The following SHISA9 variants were observed in gnomAD, a reference collection of about 807,000 sequenced individuals.
SHISA9 encodes shisa family member 9.
A neutral mutation model predicts 38.0 loss-of-function variants in SHISA9; 13 were observed. The ratio of observed to expected loss-of-function variants is 0.34; its 90% CI spans 0.22 to 0.54. The LOEUF is 0.54. SHISA9 is among the 20% of genes least tolerant of loss of function. SHISA9 has a pLI of 0.91. For missense variants in SHISA9, 538 were observed against 575.8 expected (o/e 0.93, Z 0.67); for synonymous variants, 275 against 242.0 (o/e 1.14, Z -1.27).
At chr16:13,267,875 GTTT>G in the SHISA9 span, among the ~76,000 whole-genome samples, 17 of 137,432 alleles carry the variant, frequency 1.2e-4, no homozygotes, top group South Asian at 4.7e-4. Context: ...TGTTTCTCAG[GTTT>G]TTTTTTTTTT....
At chr16:12,906,691 A>AC (rs1328161304) in intron 1 of SHISA9, among the ~76,000 whole-genome samples, 6 of 148,194 alleles carry the variant, frequency 4.0e-5, no homozygotes, top group Non-Finnish European at 4.5e-5. Context: ...TTTTAAACAT[A>AC]CAAAAAAACC....
the SHISA9 span, among the ~76,000 whole-genome samples, chr16:13,350,882 A>T: frequency 6.6e-6 from 1 of 152,324 alleles, no homozygotes; most frequent in South Asian, 2.1e-4. Context: ...GCAAAGTCAG[A>T]GTAAGTAGGA....
chr16:13,473,952 T>C, the SHISA9 span, among the ~76,000 whole-genome samples: 2 of 152,164 alleles, frequency 1.3e-5, no homozygotes, highest in African/African-American at 4.8e-5. Context: ...GATAGTGCTA[T>C]TTATATACAG....
At chr16:13,206,219 AATTT>A (rs2051062427) in intron 3 of SHISA9, among the ~76,000 whole-genome samples, 1 of 152,014 alleles carries the variant, frequency 6.6e-6, no homozygotes, top group Non-Finnish European at 1.5e-5. Context: ...TTATTCATAA[AATTT>A]ATTTATTTAT....
chr16:13,378,988 A>G, the SHISA9 span, among the ~76,000 whole-genome samples: 2 of 152,206 alleles, frequency 1.3e-5, no homozygotes, highest in African/African-American at 4.8e-5. Context: ...AAGAAAATAG[A>G]TGAATGGGTG....
chr16:12,969,435 A>G (rs1596555492), intron 2 of SHISA9, among the ~76,000 whole-genome samples: 1 of 151,238 alleles, frequency 6.6e-6, no homozygotes, highest in Admixed American at 6.6e-5. Context: ...TATAAAGTGT[A>G]CACTCTTCTG....
intron 2 of SHISA9, among the ~76,000 whole-genome samples, chr16:13,058,082 C>A (rs2141906737): frequency 6.6e-6 from 1 of 152,292 alleles, no homozygotes; most frequent in Middle Eastern, 3.4e-3. Context: ...GCAGTTTCCA[C>A]ATACAAGCAT....
chr16:12,916,572 G>C, intron 1 of SHISA9, 116 bp from the exon 2 acceptor site: 1 of 1,232,772 alleles, frequency 8.1e-7, no homozygotes, highest in South Asian at 1.7e-5. Context: ...TAACTAGAAT[G>C]GTGGCTCCAT....
At chr16:13,046,719 G>A (rs1370568753) in intron 2 of SHISA9, among the ~76,000 whole-genome samples, 3 of 152,012 alleles carry the variant, frequency 2.0e-5, no homozygotes, top group Admixed American at 6.6e-5. Context: ...TTGACTTCTC[G>A]CTTCTCTCCT....
the SHISA9 span, among the ~76,000 whole-genome samples, chr16:13,431,385 A>G: frequency 6.6e-6 from 1 of 152,244 alleles, no homozygotes; most frequent in East Asian, 1.9e-4. Flanking sequence ...TTCATTACCT[A>G]TAAACTTCCA....
chr16:13,422,350 A>G, the SHISA9 span, among the ~76,000 whole-genome samples: 2 of 152,196 alleles, frequency 1.3e-5, no homozygotes, highest in African/African-American at 4.8e-5. Flanking sequence ...TATTAATGCC[A>G]TCAACATTCA....
the SHISA9 span, among the ~76,000 whole-genome samples, chr16:13,403,422 A>C: frequency 2.6e-5 from 4 of 152,198 alleles, no homozygotes; most frequent in African/African-American, 9.7e-5. Context: ...GGAATGAATG[A>C]ATGGATGGAT....
the SHISA9 span, among the ~76,000 whole-genome samples, chr16:13,475,747 T>C: frequency 6.6e-6 from 1 of 152,260 alleles, no homozygotes; most frequent in Admixed American, 6.5e-5. Context: ...GTAGAATCAG[T>C]GAGAGTCCTG....
chr16:12,979,943 C>G (rs1366048559), intron 2 of SHISA9, among the ~76,000 whole-genome samples: 1 of 152,126 alleles, frequency 6.6e-6, no homozygotes, highest in Admixed American at 6.6e-5. Context: ...AATGTGCATT[C>G]AAATCTCCTG....
the SHISA9 span, among the ~76,000 whole-genome samples, chr16:13,321,693 T>A: frequency 6.6e-6 from 1 of 152,238 alleles, no homozygotes; most frequent in Non-Finnish European, 1.5e-5. Flanking sequence ...TGTGCCTGTC[T>A]GATAATCTCC....
the SHISA9 span, among the ~76,000 whole-genome samples, chr16:13,291,142 G>T: frequency 6.6e-6 from 1 of 152,052 alleles, no homozygotes; most frequent in Non-Finnish European, 1.5e-5. Context: ...TTCTTCACTG[G>T]GCTGGATCTG....
intron 2 of SHISA9, among the ~76,000 whole-genome samples, chr16:13,018,337 C>T (rs1030534815): frequency 1.3e-5 from 2 of 152,212 alleles, no homozygotes; most frequent in Non-Finnish European, 1.5e-5. Context: ...GCAGGTTGGC[C>T]CTGCTTCCTG....
intron 2 of SHISA9, among the ~76,000 whole-genome samples, chr16:13,000,020 A>G (rs2072504373): frequency 6.6e-6 from 1 of 152,208 alleles, no homozygotes; most frequent in Admixed American, 6.5e-5. Context: ...TTTCTCATCT[A>G]TTGGGAATAA....
At chr16:13,263,452 G>T in the SHISA9 span, among the ~76,000 whole-genome samples, 1 of 152,212 alleles carries the variant, frequency 6.6e-6, no homozygotes, top group East Asian at 1.9e-4. Flanking sequence ...TGATTGAAAA[G>T]TATATAGCAC....
Sources: allele counts gnomAD v4.1 joint callset (sites outside exome capture counted in the v4.1 genomes callset), GRCh38; gene constraint gnomAD v4.1.1; transcripts MANE v1.5; gene names NCBI Gene and HGNC (gene_info 2026-07-23, HGNC 2026-07-21).